COL4A5: variants seen among roughly 807,000 people sequenced by gnomAD.
COL4A5 encodes collagen type IV alpha 5 chain, also known as collagen alpha-5(IV) chain.
A neutral mutation model predicts 130.2 loss-of-function variants in COL4A5; 26 were observed. The observed-to-expected ratio is 0.20, with a 90% CI of 0.15 to 0.28. The LOEUF is 0.28. Among genes scored for constraint, COL4A5 ranks in the 10% least tolerant of loss-of-function variants. The pLI, the probability that COL4A5 is intolerant of heterozygous loss-of-function variation, is 1.00. For missense variants in COL4A5, 1,131 were observed against 1,344.3 expected, an observed-to-expected ratio of 0.84 and a Z score of 2.48; for synonymous variants, 496 against 439.6, an observed-to-expected ratio of 1.13 and a Z score of -1.60.
intron 46 of COL4A5, 43 bp downstream of exon 46, chrX:108,680,999 GCT>G (rs1316635286): frequency 9.0e-7 from 1 of 1,107,450 alleles, no homozygotes. Context: ...ATACTTAGAT[GCT>G]TTAAAGAATT....
chrX:108,505,393 AAACTC>A (rs2065115132), intron 1 of COL4A5, among the ~76,000 whole-genome samples: 1 of 111,662 alleles, frequency 9.0e-6, no homozygotes, highest in Non-Finnish European at 1.9e-5. Flanking sequence ...AATAAAAAAA[AAACTC>A]AAAGAAAAGT....
At chrX:108,473,608 TA>T (rs1175475148) in intron 1 of COL4A5, among the ~76,000 whole-genome samples, 11 of 46,704 alleles carry the variant, frequency 2.4e-4, no homozygotes, top group African/African-American at 8.5e-4. Context: ...TATATATATA[TA>T]TATGTATATA....
rs777048452 is a variant in COL4A5, at chrX:108,570,518, A to G, written c.385-895A>G. On this transcript the variant is annotated intron_variant, in intron 6 of 52. Transcript: ENST00000328300. ...AATTTTAAACAAATTAAATTGATTT[A>G]TTATGCATATTTTTAAAGTCTGAAT... Among the ~76,000 whole-genome samples the G allele has an allele frequency of 9.8e-5, 11 of 112,266 alleles. 1 individual carries two copies. Among genetic ancestry groups the G allele is most frequent in the Non-Finnish European group, 1.9e-4 (10 of 53,273 alleles).
chrX:108,677,355 G>A, intron 43 of COL4A5, 145 bp from the exon 44 acceptor site: 3 of 463,775 alleles, frequency 6.5e-6, no homozygotes, highest in Non-Finnish European at 1.1e-5. Flanking sequence ...ATTAGAAAGG[G>A]AATCAGCATA....
At chrX:108,676,669 TA>T (rs1324860214) in intron 43 of COL4A5, among the ~76,000 whole-genome samples, 2 of 112,302 alleles carry the variant, frequency 1.8e-5, no homozygotes, top group Admixed American at 9.4e-5. Flanking sequence ...TTCTAACATT[TA>T]AAAAAATTCC....
rs181987958 is a variant in COL4A5, at chrX:108,638,990, A to C, written c.3246+12641A>C. On this transcript the variant is annotated intron_variant, in intron 36 of 52. Transcript: ENST00000328300. The stretch of plus-strand genomic sequence containing the variant: ...CCATACTACCCAAAGCAATACACAG[A>C]TTCAATGCAACGCCTATCAAAACTC... Among the ~76,000 whole-genome samples the C allele has an allele frequency of 2.6e-3, 286 of 111,420 alleles. 1 individual carries two copies. Among genetic ancestry groups the C allele is most frequent in the Middle Eastern group, 0.018 (4 of 217 alleles).
At chrX:108,691,940 A>G (rs138867162) in intron 49 of COL4A5, among the ~76,000 whole-genome samples, 1,660 of 111,714 alleles carry the variant, frequency 0.015, 24 homozygotes, top group African/African-American at 0.051. Flanking sequence ...CCCTGCTATT[A>G]CAAAGTGGAA....
intron 42 of COL4A5, chrX:108,670,653 A>C (rs2068183624): frequency 3.0e-6 from 1 of 330,346 alleles, no homozygotes; most frequent in South Asian, 2.6e-5. Context: ...GAAAATATGT[A>C]ATTCTTAACT....
At chrX:108,492,478 T>A (rs933401097) in intron 1 of COL4A5, among the ~76,000 whole-genome samples, 4 of 111,967 alleles carry the variant, frequency 3.6e-5, no homozygotes, top group African/African-American at 1.3e-4. Context: ...ATTCAAAATG[T>A]CCTATCTTCA....
At chrX:108,682,135 C>T (rs1830238138) in intron 47 of COL4A5, among the ~76,000 whole-genome samples, 1 of 111,120 alleles carries the variant, frequency 9.0e-6, no homozygotes, top group Non-Finnish European at 1.9e-5. Flanking sequence ...TCAACTCCCA[C>T]TTATGAGTGA....
intron 1 of COL4A5, among the ~76,000 whole-genome samples, chrX:108,532,092 A>C (rs74719046): frequency 0.11 from 11,928 of 111,364 alleles, 1,371 homozygotes; most frequent in African/African-American, 0.35. Flanking sequence ...TTCCTCGAGG[A>C]CAGCATCACC....
rs373376533 is a variant in COL4A5 at position 108,665,615 on chromosome X, T to C, written c.3454+28T>C. ...AAGCATGAAAAATAACAGTTTGCTGTTTTATAAAACTAATGTTTATCATAT... is the reference window on the plus strand; with the variant it reads ...AAGCATGAAAAATAACAGTTTGCTGCTTTATAAAACTAATGTTTATCATAT... On this transcript the variant is annotated intron_variant, in intron 38 of 52. Transcript: ENST00000328300. The C allele has an allele frequency of 1.7e-4, 179 of 1,064,186 alleles. No individual in the cohort carries two copies. The African/African-American group carries it at 3.0e-3, about 18-fold the overall frequency. 87.7% of individuals were successfully genotyped at this position (1,064,186 alleles called of 1,213,427 possible).
chrX:108,446,020 A>T (rs1168393985), intron 1 of COL4A5, among the ~76,000 whole-genome samples: 1 of 111,543 alleles, frequency 9.0e-6, no homozygotes, highest in Non-Finnish European at 1.9e-5. Flanking sequence ...ATGATATGTT[A>T]AGGTTTGGAT....
intron 1 of COL4A5, among the ~76,000 whole-genome samples, chrX:108,466,913 T>G (rs757200488): frequency 8.9e-5 from 10 of 112,347 alleles, no homozygotes; most frequent in African/African-American, 3.2e-4. Flanking sequence ...TAAGAGTTAT[T>G]TATACATTCT....
rs1202936801 is a variant in COL4A5 at position 108,666,499 on chromosome X, G to T, written c.3458G>T (p.Gly1153Val). 4 of 1,203,237 alleles carry T rather than the reference G, an allele frequency of 3.3e-6. No homozygotes were observed. In the Admixed American group the frequency reaches 8.8e-5, roughly 26 times the overall value. Reference protein sequence around the residue: ...GLPGEPGPVGGGGHPGQPGPP... With the variant: ...GLPGEPGPVGVGGHPGQPGPP... ...CCTGCTGTACTCAATTTTTTAGGTGGTGGAGGTCATCCTGGGCAACCAGGG... is the reference window on the plus strand; with the variant it reads ...CCTGCTGTACTCAATTTTTTAGGTGTTGGAGGTCATCCTGGGCAACCAGGG... Residue 1153 changes from glycine (G) to valine (V), a missense_variant, in exon 39 of 53, where the codon GGT becomes GTT. Coordinates refer to ENST00000328300, the MANE Select transcript of COL4A5 (RefSeq NM_033380.3).
rs766944229 is a variant in COL4A5, at chrX:108,546,370, T to C, written c.141+6565T>C. Among the ~76,000 whole-genome samples, 14 of 111,542 alleles carry C rather than the reference T, an allele frequency of 1.3e-4. No individual in the cohort carries two copies. The South Asian group carries it at 3.8e-3, about 30-fold the overall frequency. ...TTTTATTTCTTCTTCACTTATGAAGTTTAGTTTGGCTGGATATGAAATTCT... is the reference window on the plus strand; with the variant it reads ...TTTTATTTCTTCTTCACTTATGAAGCTTAGTTTGGCTGGATATGAAATTCT... On this transcript the variant is annotated intron_variant, in intron 2 of 52. Coordinates refer to ENST00000328300, the MANE Select transcript of COL4A5 (RefSeq NM_033380.3).
intron 1 of COL4A5, among the ~76,000 whole-genome samples, chrX:108,536,100 G>A (rs763964335): frequency 2.7e-5 from 3 of 111,451 alleles, no homozygotes; most frequent in Non-Finnish European, 3.8e-5. Context: ...AATTCATACA[G>A]AATTTGTTTT....
chrX:108,568,552 C>A (rs1035461304), intron 4 of COL4A5, 77 bp from the exon 5 acceptor site: 3 of 696,471 alleles, frequency 4.3e-6, no homozygotes, highest in Admixed American at 4.8e-5. Flanking sequence ...AAATAATTTT[C>A]ATAATATCCT....
chrX:108,536,776 A>T (rs1472514668), intron 1 of COL4A5, among the ~76,000 whole-genome samples: 2 of 111,691 alleles, frequency 1.8e-5, no homozygotes, highest in African/African-American at 6.5e-5. Context: ...ACAGAATCAC[A>T]GAGAGTGAAA....
Sources: gnomAD v4.1 joint callset for allele counts (sites outside exome capture counted in the v4.1 genomes callset) on GRCh38, gnomAD v4.1.1 for gene constraint, MANE v1.5 for transcripts, NCBI Gene and HGNC (gene_info 2026-07-23, HGNC 2026-07-21) for gene names.